The following CTNND2 variants were observed in gnomAD, a reference collection of about 807,000 sequenced individuals.
CTNND2 encodes catenin delta 2.
CTNND2 carries 22 observed loss-of-function variants against 144.4 expected under a neutral mutation model. The ratio of observed to expected loss-of-function variants is 0.15; its 90% CI spans 0.11 to 0.22. The LOEUF (loss-of-function observed/expected upper bound fraction) is 0.22, where lower values mean the gene tolerates loss of function less well. CTNND2 is among the 10% of genes least tolerant of loss of function. CTNND2 has a pLI of 1.00. For missense variants in CTNND2, 1,353 were observed against 1,618.8 expected, an observed-to-expected ratio of 0.84 and a Z score of 2.82; for synonymous variants, 751 against 695.6, an observed-to-expected ratio of 1.08 and a Z score of -1.25.
chr5:11,243,255 TG>T (rs1742642337), intron 9 of CTNND2, among the ~76,000 whole-genome samples: 1 of 152,310 alleles, frequency 6.6e-6, no homozygotes, highest in Middle Eastern at 3.4e-3. Flanking sequence ...CAACCAGACT[TG>T]GTTCGAATCC....
intron 3 of CTNND2, among the ~76,000 whole-genome samples, chr5:11,541,746 A>AATGCATATC (rs1333323752): frequency 1.3e-5 from 2 of 152,032 alleles, no homozygotes; most frequent in East Asian, 3.9e-4. Context: ...TCTTAATCCA[A>AATGCATATC]ATGCATATCA....
chr5:11,148,532 A>C (rs572003404), intron 12 of CTNND2, among the ~76,000 whole-genome samples: 1 of 152,336 alleles, frequency 6.6e-6, no homozygotes, highest in East Asian at 1.9e-4. Flanking sequence ...CCTGAATTAA[A>C]GTCTTCATAG....
At chr5:11,732,045 T>A in intron 2 of CTNND2, 91 bp downstream of exon 2, 1 of 1,305,580 alleles carries the variant, frequency 7.7e-7, no homozygotes. Flanking sequence ...TATGAGTTTC[T>A]TTTAACATAA....
chr5:11,421,410 G>A (rs1337493558), intron 3 of CTNND2, among the ~76,000 whole-genome samples: 5 of 152,074 alleles, frequency 3.3e-5, no homozygotes, highest in South Asian at 2.1e-4. Context: ...TCTGCTTGAC[G>A]CTTACTTTTG....
At chr5:11,340,647 A>G (rs1299309642) in intron 9 of CTNND2, among the ~76,000 whole-genome samples, 1 of 152,236 alleles carries the variant, frequency 6.6e-6, no homozygotes, top group Non-Finnish European at 1.5e-5. Flanking sequence ...CATTTATGTT[A>G]AAAAGAAAAT....
intron 3 of CTNND2, among the ~76,000 whole-genome samples, chr5:11,484,224 G>A (rs777546466): frequency 9.9e-5 from 15 of 152,152 alleles, no homozygotes; most frequent in African/African-American, 3.4e-4. Flanking sequence ...CGATCTAGCC[G>A]AGTGTTCTGC....
At chr5:11,595,423 G>T (rs889168053) in intron 2 of CTNND2, among the ~76,000 whole-genome samples, 1 of 152,100 alleles carries the variant, frequency 6.6e-6, no homozygotes, top group African/African-American at 2.4e-5. Flanking sequence ...GTGTAAATTC[G>T]AAGTCTGTAC....
At chr5:11,055,036 C>G (rs1283723731) in intron 16 of CTNND2, among the ~76,000 whole-genome samples, 1 of 152,212 alleles carries the variant, frequency 6.6e-6, no homozygotes, top group Admixed American at 6.5e-5. Context: ...CATTTTCCAC[C>G]TGGCATAGGA....
intron 1 of CTNND2, among the ~76,000 whole-genome samples, chr5:11,808,184 G>A (rs1366064091): frequency 1.3e-5 from 2 of 152,156 alleles, no homozygotes; most frequent in Admixed American, 1.3e-4. Context: ...AAACATCACA[G>A]ATTTAAACCA....
At chr5:11,433,781 C>T (rs1028958910) in intron 3 of CTNND2, among the ~76,000 whole-genome samples, 2 of 152,164 alleles carry the variant, frequency 1.3e-5, no homozygotes, top group Non-Finnish European at 2.9e-5. Flanking sequence ...GACCCCACCT[C>T]CTGCATTGGG....
intron 2 of CTNND2, among the ~76,000 whole-genome samples, chr5:11,627,310 A>C (rs1375408691): frequency 6.6e-6 from 1 of 152,182 alleles, no homozygotes; most frequent in African/African-American, 2.4e-5. Flanking sequence ...AGCAGACCCT[A>C]CATAATCCAG....
intron 2 of CTNND2, among the ~76,000 whole-genome samples, chr5:11,690,562 T>C (rs896268032): frequency 1.1e-4 from 17 of 151,218 alleles, no homozygotes; most frequent in Admixed American, 9.9e-4. Flanking sequence ...TGAAACCCCG[T>C]CTCTACTAAA....
chr5:11,081,051 T>C (rs988793758), intron 16 of CTNND2, among the ~76,000 whole-genome samples: 5 of 141,830 alleles, frequency 3.5e-5, no homozygotes, highest in Non-Finnish European at 7.9e-5. Context: ...CACTCCAGCC[T>C]GAGCAACACA....
intron 9 of CTNND2, among the ~76,000 whole-genome samples, chr5:11,246,982 A>T (rs1247215477): frequency 6.6e-6 from 1 of 152,162 alleles, no homozygotes; most frequent in Non-Finnish European, 1.5e-5. Flanking sequence ...CTTCTGCTCC[A>T]AGACATAGGG....
chr5:11,730,825 T>A (rs1787348670), intron 2 of CTNND2, among the ~76,000 whole-genome samples: 1 of 152,230 alleles, frequency 6.6e-6, no homozygotes, highest in Non-Finnish European at 1.5e-5. Flanking sequence ...TTTTGTTACA[T>A]TTGTTCTTTC....
intron 2 of CTNND2, among the ~76,000 whole-genome samples, chr5:11,661,251 T>C (rs1334263619): frequency 6.6e-6 from 1 of 152,136 alleles, no homozygotes; most frequent in East Asian, 1.9e-4. Flanking sequence ...ACAAACTTCT[T>C]AAAAGATCAG....
chr5:11,857,820 A>AGG (rs146703127), intron 1 of CTNND2, among the ~76,000 whole-genome samples: 2,290 of 152,314 alleles, frequency 0.015, 57 homozygotes, highest in African/African-American at 0.049. Flanking sequence ...AGCATATAAG[A>AGG]AAAGGAAGAA....
intron 15 of CTNND2, among the ~76,000 whole-genome samples, chr5:11,090,059 G>A (rs936298782): frequency 9.9e-5 from 15 of 152,148 alleles, no homozygotes; most frequent in Admixed American, 3.3e-4. Flanking sequence ...ATGCTCCTTT[G>A]GGAGTGTGTT....
chr5:11,432,770 A>G (rs1481622330), intron 3 of CTNND2, among the ~76,000 whole-genome samples: 1 of 152,046 alleles, frequency 6.6e-6, no homozygotes, highest in Non-Finnish European at 1.5e-5. Context: ...AACTGTGTGT[A>G]TGTGCATTTT....
Sources: allele counts gnomAD v4.1 joint callset (sites outside exome capture counted in the v4.1 genomes callset), GRCh38; gene constraint gnomAD v4.1.1; transcripts MANE v1.5; gene names NCBI Gene and HGNC (gene_info 2026-07-23, HGNC 2026-07-21).